LARS1: variants seen among roughly 807,000 people sequenced by gnomAD.
LARS1 encodes the protein leucine--tRNA ligase, cytoplasmic.
A neutral mutation model predicts 162.8 loss-of-function variants in LARS1; 100 were observed. The ratio of observed to expected loss-of-function variants is 0.61; its 90% confidence interval spans 0.52 to 0.73. The LOEUF (loss-of-function observed/expected upper bound fraction) is 0.73. Ranked by LOEUF, LARS1 falls within the 30% of genes least tolerant of loss-of-function variation. LARS1 has a pLI of 0.00. For missense variants in LARS1, 1,258 were observed against 1,408.9 expected, an observed-to-expected ratio of 0.89 and a Z score of 1.71; for synonymous variants, 457 against 462.8, an observed-to-expected ratio of 0.99 and a Z score of 0.16.
chr5:146,128,952 T>TAAA (rs747958835), intron 26 of LARS1, 26 bp downstream of exon 26: 4 of 1,198,792 alleles, frequency 3.3e-6, no homozygotes, highest in African/African-American at 1.6e-5. Flanking sequence ...AATAATCCTT[T>TAAA]AAAAAAAAAA....
intron 28 of LARS1, among the ~76,000 whole-genome samples, chr5:146,124,469 A>C (rs977309456): frequency 8.6e-5 from 13 of 151,998 alleles, no homozygotes; most frequent in African/African-American, 2.9e-4. Context: ...CCCAAAAAAA[A>C]CAAAATTTTA....
chr5:146,171,272 G>A (rs940850723), intron 4 of LARS1, among the ~76,000 whole-genome samples: 3 of 151,894 alleles, frequency 2.0e-5, no homozygotes, highest in African/African-American at 2.4e-5. Flanking sequence ...CAGGAGAATC[G>A]CTTGAACCCA....
At chr5:146,119,205 G>A (rs1751700553) in intron 31 of LARS1, among the ~76,000 whole-genome samples, 1 of 152,078 alleles carries the variant, frequency 6.6e-6, no homozygotes, top group Admixed American at 6.6e-5. Context: ...TTTACTAGAT[G>A]CAGCTCCTAA....
chr5:146,162,821 C>T (rs1753831839), intron 6 of LARS1, among the ~76,000 whole-genome samples: 1 of 152,202 alleles, frequency 6.6e-6, no homozygotes, highest in African/African-American at 2.4e-5. Context: ...TCAGCATTTG[C>T]TGCTTCACCT....
chr5:146,148,046 T>C (rs1753097850), intron 15 of LARS1, among the ~76,000 whole-genome samples: 3 of 152,172 alleles, frequency 2.0e-5, no homozygotes, highest in Non-Finnish European at 4.4e-5. Flanking sequence ...GAAAATTATT[T>C]CCAATCCAGA....
At position 146,149,666 on chromosome 5, in the gene LARS1, C is replaced by T; in HGVS notation, c.1459G>A (p.Val487Ile). 2 of 1,612,880 alleles carry T rather than the reference C, an allele frequency of 1.2e-6. No individual in the cohort carries two copies. Among genetic ancestry groups the T allele is most frequent in the South Asian group, 1.1e-5 (1 of 91,056 alleles). The change falls in exon 15 of 32, where the codon GTT becomes ATT. Residue 487 changes from valine (V) to isoleucine (I), a missense_variant. Physicochemically the swap from Val to Ile is conservative, Grantham distance 29 (BLOSUM62 3). Coordinates refer to ENST00000394434, the MANE Select transcript of LARS1 (RefSeq NM_020117.11). ...TGAATAGTCTTCTTTACATCTTGAA[C>T]CTTCTGTCCTTTAAATCCATCCACC... ...MLVDGFKGQK[V>I]QDVKKTIQKK... is the part of the protein sequence containing the mutation.
chr5:146,131,244 A>C (rs1752266602), intron 23 of LARS1, 135 bp from the exon 24 acceptor site: 4 of 519,806 alleles, frequency 7.7e-6, no homozygotes, highest in African/African-American at 5.9e-5. Flanking sequence ...TTAAGCAGTA[A>C]AATGAGAACA....
chr5:146,123,503 T>C (rs1751916996), intron 29 of LARS1, among the ~76,000 whole-genome samples: 1 of 151,916 alleles, frequency 6.6e-6, no homozygotes, highest in Non-Finnish European at 1.5e-5. Context: ...GGAACAATCA[T>C]AATATATCAT....
intron 31 of LARS1, among the ~76,000 whole-genome samples, chr5:146,114,608 C>T (rs1044931583): frequency 7.9e-5 from 12 of 151,864 alleles, no homozygotes; most frequent in African/African-American, 2.4e-4. Flanking sequence ...TGGTGATGGG[C>T]GCCTGTGATC....
intron 2 of LARS1, among the ~76,000 whole-genome samples, chr5:146,173,322 C>T (rs542495592): frequency 1.1e-4 from 16 of 151,620 alleles, no homozygotes; most frequent in African/African-American, 3.9e-4. Context: ...CACTGCACTC[C>T]AGCCTGGGCG....
chr5:146,171,745 T>C (rs1754290158), intron 4 of LARS1, among the ~76,000 whole-genome samples, 165 bp downstream of exon 4: 2 of 152,218 alleles, frequency 1.3e-5, no homozygotes, highest in South Asian at 4.1e-4. Flanking sequence ...ATTTAAGCAC[T>C]TCTTCACATG....
intron 4 of LARS1, among the ~76,000 whole-genome samples, chr5:146,170,469 C>T (rs1475191386): frequency 7.6e-6 from 1 of 130,926 alleles, no homozygotes; most frequent in Non-Finnish European, 1.6e-5. Flanking sequence ...GATTCCGTCT[C>T]AAAAAAAAAA....
At chr5:146,144,003 A>G (rs539203672) in intron 18 of LARS1, among the ~76,000 whole-genome samples, 1 of 152,256 alleles carries the variant, frequency 6.6e-6, no homozygotes, top group South Asian at 2.1e-4. Flanking sequence ...CTCTGTCTCT[A>G]AAAAAGAAAA....
chr5:146,126,695 A>G (rs998814078), intron 27 of LARS1, 150 bp from the exon 28 acceptor site: 14 of 571,944 alleles, frequency 2.4e-5, no homozygotes, highest in Non-Finnish European at 4.4e-5. Context: ...CGGGGAAGTG[A>G]AAGCTCAATG....
chr5:146,160,133 T>TAAGCAATCCTCCTGCCCCATCCTCTCA (rs1753713201), intron 7 of LARS1, among the ~76,000 whole-genome samples: 1 of 152,066 alleles, frequency 6.6e-6, no homozygotes, highest in Admixed American at 6.6e-5. Context: ...TTTATTCATG[T>TAAGCAATCCTCCTGCCCCATCCTCTCA]AAGCAATCCT....
chr5:146,121,222 G>A (rs987957576), intron 30 of LARS1, among the ~76,000 whole-genome samples: 8 of 151,942 alleles, frequency 5.3e-5, no homozygotes, highest in Non-Finnish European at 1.2e-4. Context: ...CCATAATCAC[G>A]ATTTCCTTAT....
At position 146,147,202 on chromosome 5, in the gene LARS1, A is replaced by G. The variant is rs148110713; in HGVS notation, c.1503+2420T>C. Among the ~76,000 whole-genome samples, 58 of 152,318 alleles carry G rather than the reference A, an allele frequency of 3.8e-4. No homozygotes were observed. In the East Asian group the frequency reaches 0.011, roughly 29 times the overall value. On this transcript the variant is annotated intron_variant, in intron 15 of 31. Coordinates refer to ENST00000394434, the MANE Select transcript of LARS1 (RefSeq NM_020117.11). ...AAAACATTTCTTTTTACACCCAAATATATTACATATCAACGGTCTTCCTCA... is the reference window on the plus strand; with the variant it reads ...AAAACATTTCTTTTTACACCCAAATGTATTACATATCAACGGTCTTCCTCA...
intron 6 of LARS1, among the ~76,000 whole-genome samples, chr5:146,161,537 T>C (rs2126547181): frequency 6.6e-6 from 1 of 152,184 alleles, no homozygotes; most frequent in African/African-American, 2.4e-5. Context: ...GAGACCAGCC[T>C]AACCAACATG....
intron 28 of LARS1, among the ~76,000 whole-genome samples, chr5:146,126,181 G>A (rs1752032998): frequency 6.6e-6 from 1 of 152,010 alleles, no homozygotes; most frequent in South Asian, 2.1e-4. Context: ...AGAAGGGAAG[G>A]TAGAATATGA....
Sources: allele counts gnomAD v4.1 joint callset (sites outside exome capture counted in the v4.1 genomes callset), GRCh38; gene constraint gnomAD v4.1.1; transcripts MANE v1.5; gene names NCBI Gene and HGNC (gene_info 2026-07-23, HGNC 2026-07-21).